Variants in NAPG observed in about 807,000 individuals in gnomAD.
The protein encoded by NAPG is NSF attachment protein gamma, also known as gamma-soluble NSF attachment protein.
Under a neutral mutation model 48.4 loss-of-function variants are expected in NAPG, and 25 were observed. The ratio of observed to expected loss-of-function variants is 0.52; its 90% CI spans 0.38 to 0.72. The LOEUF (loss-of-function observed/expected upper bound fraction) is 0.72. Among genes scored for constraint, NAPG ranks in the 30% least tolerant of loss-of-function variants. NAPG has a pLI of 0.00. For missense variants in NAPG, 359 were observed against 372.5 expected, an observed-to-expected ratio of 0.96 and a Z score of 0.30; for synonymous variants, 139 against 127.2, an observed-to-expected ratio of 1.09 and a Z score of -0.62.
chr18:10,535,063 T>A (rs495484), intron 5 of NAPG, among the ~76,000 whole-genome samples: 50,894 of 152,152 alleles, frequency 0.33, 8,621 homozygotes, highest in East Asian at 0.43. Context: ...TACTTTATGA[T>A]GCTGACTTTC....
intron 1 of NAPG, 88 bp downstream of exon 1, chr18:10,526,246 G>GTC: frequency 4.1e-6 from 2 of 490,178 alleles, no homozygotes; most frequent in Non-Finnish European, 8.3e-6. Flanking sequence ...GGGCGGGAGG[G>GTC]AGGGCTCAGG....
intron 9 of NAPG, among the ~76,000 whole-genome samples, chr18:10,547,838 CT>C (rs1305171486): frequency 6.6e-6 from 1 of 152,144 alleles, no homozygotes; most frequent in Non-Finnish European, 1.5e-5. Flanking sequence ...TTTCTGTTAT[CT>C]GAAGTTTTCA....
chr18:10,541,005 A>G (rs2032145170), intron 8 of NAPG, among the ~76,000 whole-genome samples: 1 of 152,208 alleles, frequency 6.6e-6, no homozygotes, highest in Non-Finnish European at 1.5e-5. Context: ...AAGTCTGCAG[A>G]TATCTTAATT....
Position 10,540,070 on chromosome 18 carries a change from A to T in NAPG, c.435+16A>T. On this transcript the variant is annotated intron_variant, in intron 7 of 11. Coordinates refer to ENST00000322897, the MANE Select transcript of NAPG (RefSeq NM_003826.3). Reference sequence around the variant, plus strand: ...TGTGTTTGAAGTAAGTTTGAATCTTATTTTTTTCTTTAATTACTTAGAATG... The same window carrying T: ...TGTGTTTGAAGTAAGTTTGAATCTTTTTTTTTTCTTTAATTACTTAGAATG... 3.9e-6 allele frequency: 6 copies of T among 1,534,514 alleles called. No individual in the cohort carries two copies. The highest frequency in any genetic ancestry group is 3.5e-6 in the Non-Finnish European group (4 of 1,136,276).
chr18:10,533,454 A>G, intron 3 of NAPG, 82 bp from the exon 4 acceptor site: 1 of 1,273,566 alleles, frequency 7.9e-7, no homozygotes, highest in Non-Finnish European at 1.1e-6. Context: ...TGATTTAGTT[A>G]ACTGTCTTTA....
At chr18:10,529,479 TACAGTGGCTCATGCCG>T (rs1203160732) in intron 1 of NAPG, among the ~76,000 whole-genome samples, 7 of 152,218 alleles carry the variant, frequency 4.6e-5, no homozygotes, top group Non-Finnish European at 1.0e-4. Flanking sequence ...GCTGGCTGGG[TACAGTGGCTCATGCCG>T]GTAATTCTAG....
intron 5 of NAPG, among the ~76,000 whole-genome samples, chr18:10,538,022 G>A (rs2032070690): frequency 6.6e-6 from 1 of 152,128 alleles, no homozygotes; most frequent in Admixed American, 6.5e-5. Context: ...TTAAGATACA[G>A]CAAGTCAACA....
chr18:10,551,903 A>G lies in NAPG; in HGVS notation c.*1683A>G, dbSNP rs2032404093. The G allele has an allele frequency of 6.6e-6, 1 of 152,154 alleles. No individual in the cohort carries two copies. The highest frequency in any genetic ancestry group is 1.5e-5 in the Non-Finnish European group (1 of 68,016). The allele number at this position is 152,154 out of a possible 1,614,324, so 9.4% of individuals were successfully genotyped here. A position where few individuals can be genotyped will look rare whatever the true frequency, so the allele number is the denominator to read the frequency against. On this transcript the variant is annotated 3_prime_UTR_variant, in exon 12 of 12. Coordinates refer to ENST00000322897, the MANE Select transcript of NAPG (RefSeq NM_003826.3). ...GTTCTTCAGGTAGCACCTCATTTTT[A>G]TTAATGATATTGGGATTAACTATGA... is the stretch of plus-strand genomic sequence containing the variant.
At position 10,539,872 on chromosome 18, in the gene NAPG, G is replaced by A; in HGVS notation, c.368+1G>A. ...CCATGGCTTTGGAGCGAGCTGGAAA[G>A]TGAGTGTGAGATGGACAAGTCTCTG... is the stretch of plus-strand genomic sequence containing the variant. On this transcript the variant is annotated splice_donor_variant, in intron 6 of 11. Transcript: ENST00000322897. LOFTEE classifies it high-confidence loss of function. This position sits in a 1 kb window ranked among gnomAD's most constrained non-coding sequence, Gnocchi z 4.7. 1 of 1,613,898 alleles carries A rather than the reference G, an allele frequency of 6.2e-7. No individual in the cohort carries two copies. The highest frequency in any genetic ancestry group is 8.5e-7 in the Non-Finnish European group (1 of 1,179,810).
chr18:10,532,610 A>G, intron 2 of NAPG, 101 bp from the exon 3 acceptor site: 1 of 820,186 alleles, frequency 1.2e-6, no homozygotes, highest in Non-Finnish European at 1.9e-6. Context: ...AAGTATTTGA[A>G]GTAAGTATGT....
Position 10,539,871 on chromosome 18 carries a change from A to T in NAPG, c.368A>T (p.Lys123Met). The part of the protein sequence containing the change: ...TAAMALERAG[K>M]LIENVDPEKA... ...GCCATGGCTTTGGAGCGAGCTGGAA[A>T]GTGAGTGTGAGATGGACAAGTCTCT... The change falls in exon 6 of 12, where the codon AAG (lysine) becomes ATG (methionine). Residue 123 changes from lysine (K) to methionine (M), a missense_variant and splice_region_variant. By Grantham distance (95) the Lys-to-Met change is moderately conservative. Transcript: ENST00000322897. The surrounding 1 kb of genome is among the most constrained non-coding windows in gnomAD (Gnocchi z 4.7). 1 of 1,613,868 alleles carries T rather than the reference A, an allele frequency of 6.2e-7. No individual in the cohort carries two copies. The highest frequency in any genetic ancestry group is 1.1e-5 in the South Asian group (1 of 91,070).
chr18:10,531,847 C>T (rs1269954112), intron 2 of NAPG, among the ~76,000 whole-genome samples: 4 of 152,110 alleles, frequency 2.6e-5, no homozygotes, highest in Non-Finnish European at 4.4e-5. Context: ...ATGAAATTTT[C>T]CCCCTGAAGC....
At chr18:10,540,284 T>G (rs2032124698) in intron 7 of NAPG, 45 bp from the exon 8 acceptor site, 2 of 1,534,732 alleles carry the variant, frequency 1.3e-6, no homozygotes, top group African/African-American at 2.7e-5. Flanking sequence ...TAAAAACATT[T>G]CAACATTAAA....
intron 11 of NAPG, 35 bp downstream of exon 11, chr18:10,549,131 C>G: frequency 1.3e-6 from 2 of 1,576,246 alleles, no homozygotes; most frequent in Middle Eastern, 1.7e-4. Context: ...TTCATCTTTT[C>G]TCTTGAAAGA....
rs545645945 is a variant in NAPG at position 10,539,072 on chromosome 18, C to T, written c.259-690C>T. On this transcript the variant is annotated intron_variant, in intron 5 of 11. Transcript: ENST00000322897. The surrounding 1 kb of genome is among the most constrained non-coding windows in gnomAD (Gnocchi z 4.7). ...TGGTGGGAGTGTAAATTAGTTCAAC[C>T]GTTGTGGAAGACAGTGTGGGGATTC... 6 of 152,284 alleles carry T rather than the reference C, an allele frequency of 3.9e-5. No homozygotes were observed. The highest frequency in any genetic ancestry group is 2.1e-4 in the South Asian group (1 of 4,826). 9.4% of individuals were successfully genotyped at this position (152,284 alleles called of 1,614,324 possible).
In NAPG at chr18:10,532,732, A is replaced by G. The variant is rs1281550342; in HGVS notation, c.146A>G (p.Lys49Arg). ...GKAAVAFKNA[K>R]QFEQAKDACL... ...TCAGCTGTTGCTTTTAAAAATGCCAAACAGTTTGAGCAAGCAAAAGATGCC... is the reference window on the plus strand; with the variant it reads ...TCAGCTGTTGCTTTTAAAAATGCCAGACAGTTTGAGCAAGCAAAAGATGCC... The change falls in exon 3 of 12, where the codon AAA (lysine) becomes AGA (arginine). Residue 49 changes from lysine (K) to arginine (R), a missense_variant. By Grantham distance (26) the Lys-to-Arg change is conservative. Transcript: ENST00000322897. 2.5e-6 allele frequency: 4 copies of G among 1,589,554 alleles called. No homozygotes were observed. The highest frequency in any genetic ancestry group is 2.6e-6 in the Non-Finnish European group (3 of 1,166,522).
chr18:10,549,515 A>C (rs1466817200), intron 11 of NAPG, among the ~76,000 whole-genome samples: 1 of 152,232 alleles, frequency 6.6e-6, no homozygotes, highest in Non-Finnish European at 1.5e-5. Context: ...CAGGTCATTA[A>C]TTATCTCTAA....
chr18:10,548,879 G>A lies in NAPG; in HGVS notation c.666-88G>A, dbSNP rs1320140711. ...TTAAGTACCAAAATGTCTCCAGACA[G>A]TGTCACATGCCAGGGGCAGAATCAT... On this transcript the variant is annotated intron_variant, in intron 10 of 11. Transcript: ENST00000322897. This position sits in a 1 kb window ranked among gnomAD's most constrained non-coding sequence, Gnocchi z 4.4. 6.7e-7 allele frequency: 1 copy of A among 1,493,306 alleles called. No homozygotes were observed. The highest frequency in any genetic ancestry group is 9.0e-7 in the Non-Finnish European group (1 of 1,104,980). The allele number at this position is 1,493,306 out of a possible 1,614,324, so 92.5% of individuals were successfully genotyped here.
Position 10,544,612 on chromosome 18 carries a change from C to T in NAPG, c.507-1714C>T, listed in dbSNP as rs2143137156. Reference sequence around the variant, plus strand: ...CTCTGGCCTCTAACTTAAGGAAGGGCCCACCTGATTAAGTCAGGCCCACAC... The same window carrying T: ...CTCTGGCCTCTAACTTAAGGAAGGGTCCACCTGATTAAGTCAGGCCCACAC... On this transcript the variant is annotated intron_variant, in intron 8 of 11. Coordinates refer to ENST00000322897, the MANE Select transcript of NAPG (RefSeq NM_003826.3). This position sits in a 1 kb window ranked among gnomAD's most constrained non-coding sequence, Gnocchi z 5.1. Among the ~76,000 whole-genome samples the T allele has an allele frequency of 6.6e-6, 1 of 152,236 alleles. No individual in the cohort carries two copies. Among genetic ancestry groups the T allele is most frequent in the African/African-American group, 2.4e-5 (1 of 41,542 alleles).
Sources: allele counts gnomAD v4.1 joint callset (sites outside exome capture counted in the v4.1 genomes callset), GRCh38; gene constraint gnomAD v4.1.1; non-coding constraint Gnocchi (gnomAD v3.1); transcripts MANE v1.5; gene names NCBI Gene and HGNC (gene_info 2026-07-23, HGNC 2026-07-21).